ANO1: variants seen among roughly 807,000 people sequenced by gnomAD.
ANO1 encodes the protein anoctamin-1.
In ANO1, 59 loss-of-function variants were observed where a neutral mutation model predicts 124.0. That is an observed-to-expected ratio of 0.48 (90% CI 0.39 to 0.59). The LOEUF (loss-of-function observed/expected upper bound fraction) is 0.59, where lower values mean the gene tolerates loss of function less well. Among genes scored for constraint, ANO1 ranks in the 20% least tolerant of loss-of-function variants. ANO1 has a pLI of 0.00. For synonymous variants in ANO1, 529 were observed against 532.0 expected (o/e 0.99, Z 0.08); for missense variants, 1,059 against 1,328.0 (o/e 0.80, Z 3.15).
At chr11:70,157,755 G>A (rs1029518894) in intron 16 of ANO1, among the ~76,000 whole-genome samples, 2 of 152,186 alleles carry the variant, frequency 1.3e-5, no homozygotes, top group African/African-American at 4.8e-5. Context: ...ACTTTGGGAG[G>A]CCGAGGCAGG....
chr11:70,043,295 A>C (rs984318449), intron 1 of ANO1, among the ~76,000 whole-genome samples: 1 of 152,182 alleles, frequency 6.6e-6, no homozygotes, highest in African/African-American at 2.4e-5. Flanking sequence ...TAAAACACAG[A>C]GAGAAAAAAC....
intron 11 of ANO1, among the ~76,000 whole-genome samples, chr11:70,136,454 C>CTCAGGAGACTA (rs1438428722): frequency 6.7e-6 from 1 of 148,832 alleles, no homozygotes. Flanking sequence ...TCCCTCGCCT[C>CTCAGGAGACTA]ACCCTGGCCT....
the ANO1 span, among the ~76,000 whole-genome samples, chr11:69,969,237 A>G: frequency 6.6e-6 from 1 of 152,162 alleles, no homozygotes; most frequent in Non-Finnish European, 1.5e-5. Context: ...CTGTCCCCAA[A>G]GCCCCAGGGA....
At chr11:70,050,414 C>T (rs553845169) in intron 1 of ANO1, among the ~76,000 whole-genome samples, 7 of 152,286 alleles carry the variant, frequency 4.6e-5, no homozygotes, top group African/African-American at 1.4e-4. Context: ...GCTCCTGCTG[C>T]TTCTCACCCG....
chr11:70,076,162 T>C (rs1276577963), upstream of ANO1, among the ~76,000 whole-genome samples: 1 of 152,114 alleles, frequency 6.6e-6, no homozygotes, highest in Non-Finnish European at 1.5e-5. Context: ...AAAAGAAACA[T>C]AGTGGCAATA....
At chr11:70,151,902 CA>C (rs1337584726) in intron 12 of ANO1, among the ~76,000 whole-genome samples, 1 of 152,036 alleles carries the variant, frequency 6.6e-6, no homozygotes, top group Non-Finnish European at 1.5e-5. Flanking sequence ...GGGGAATTTC[CA>C]AAACCATGGG....
intron 1 of ANO1, among the ~76,000 whole-genome samples, chr11:70,066,133 G>T (rs887504866): frequency 3.3e-5 from 5 of 152,204 alleles, no homozygotes; most frequent in African/African-American, 1.2e-4. Flanking sequence ...TAGAAGTGTC[G>T]CTGAATGAAT....
chr11:70,155,895 C>A lies in ANO1; in HGVS notation c.1426-16C>A. 6.5e-7 allele frequency: 1 copy of A among 1,539,940 alleles called. No homozygotes were observed. The highest frequency in any genetic ancestry group is 8.8e-7 in the Non-Finnish European group (1 of 1,142,268). ...ACTTCACCGCACGGTGCTCTCTTTC[C>A]CCCACCCCCCCTCAGAAGCGCCGGC... On this transcript the variant is annotated splice_polypyrimidine_tract_variant and intron_variant, in intron 14 of 25. Transcript: ENST00000355303.
rs1055940012 is a variant in ANO1 at position 70,135,113 on chromosome 11, A to G, written c.1258+3034A>G. Among the ~76,000 whole-genome samples the G allele has an allele frequency of 3.9e-5, 6 of 152,130 alleles. No homozygotes were observed. The South Asian group carries it at 1.2e-3, about 32-fold the overall frequency. ...GGGCCCAGCTCCAGGAAGGGCACCT[A>G]TGGGAAGGTGTGAGAGAAGCGATTG... On this transcript the variant is annotated intron_variant, in intron 11 of 25. Coordinates refer to ENST00000355303, the MANE Select transcript of ANO1 (RefSeq NM_018043.7).
At chr11:70,019,561 A>T (rs1555002405) in intron 1 of ANO1, among the ~76,000 whole-genome samples, 1 of 60,226 alleles carries the variant, frequency 1.7e-5, no homozygotes. Flanking sequence ...CACCCGAGCC[A>T]ATTGTATCTT....
chr11:69,968,742 G>A, the ANO1 span, among the ~76,000 whole-genome samples: 2 of 152,226 alleles, frequency 1.3e-5, no homozygotes, highest in Non-Finnish European at 2.9e-5. Flanking sequence ...GGACCTCCAA[G>A]GGCAGAGGGG....
At chr11:70,089,994 TGTTTGTTTG>T (rs772774166) in intron 2 of ANO1, among the ~76,000 whole-genome samples, 1 of 150,830 alleles carries the variant, frequency 6.6e-6, no homozygotes, top group Non-Finnish European at 1.5e-5. Context: ...CCCCAGGGTT[TGTTTGTTTG>T]TTTGTTTGTT....
chr11:70,006,105 G>A (rs746959587), intron 1 of ANO1, among the ~76,000 whole-genome samples: 13 of 152,084 alleles, frequency 8.5e-5, no homozygotes, highest in Non-Finnish European at 1.3e-4. Flanking sequence ...GACACGCTCC[G>A]GTCCCTAAAC....
At chr11:70,145,882 A>C (rs963251385) in intron 11 of ANO1, among the ~76,000 whole-genome samples, 1 of 149,186 alleles carries the variant, frequency 6.7e-6, no homozygotes, top group Non-Finnish European at 1.5e-5. Flanking sequence ...CGTTGCAGTG[A>C]GCTGAGATCA....
intron 1 of ANO1, among the ~76,000 whole-genome samples, chr11:70,054,554 A>G (rs1340632737): frequency 6.6e-6 from 1 of 152,262 alleles, no homozygotes; most frequent in Non-Finnish European, 1.5e-5. Context: ...TATATTTGTC[A>G]AAGTAGAAAC....
intron 17 of ANO1, 37 bp from the exon 18 acceptor site, chr11:70,161,585 A>G (rs966770024): frequency 6.2e-7 from 1 of 1,602,616 alleles, no homozygotes; most frequent in Non-Finnish European, 8.5e-7. Context: ...GGGCCATCCC[A>G]GCCACAGCCT....
chr11:70,070,249 G>A (rs1857838047), intron 1 of ANO1, among the ~76,000 whole-genome samples: 1 of 152,180 alleles, frequency 6.6e-6, no homozygotes, highest in East Asian at 1.9e-4. Context: ...ATCACCTGGA[G>A]CCGCCATTCT....
At chr11:69,999,333 A>G (rs1258394600) in intron 1 of ANO1, among the ~76,000 whole-genome samples, 1 of 152,136 alleles carries the variant, frequency 6.6e-6, no homozygotes, top group Non-Finnish European at 1.5e-5. Flanking sequence ...GGACAGTACC[A>G]AGGACACACT....
At chr11:69,998,591 A>T (rs782089851) in intron 1 of ANO1, among the ~76,000 whole-genome samples, 1 of 152,164 alleles carries the variant, frequency 6.6e-6, no homozygotes, top group African/African-American at 2.4e-5. Context: ...GTGTGTTTTT[A>T]TATCTCTGAT....
Sources: gnomAD v4.1 joint callset for allele counts (sites outside exome capture counted in the v4.1 genomes callset) on GRCh38, gnomAD v4.1.1 for gene constraint, MANE v1.5 for transcripts, NCBI Gene and HGNC (gene_info 2026-07-23, HGNC 2026-07-21) for gene names.